Variants in COL7A1 observed in about 807,000 individuals in gnomAD.
The protein encoded by COL7A1 is collagen type VII alpha 1 chain.
COL7A1 carries 296 observed loss-of-function variants against 456.2 expected under a neutral mutation model. The observed-to-expected ratio is 0.65, with a 90% CI of 0.59 to 0.71. The LOEUF (loss-of-function observed/expected upper bound fraction) is 0.71, where lower values mean the gene tolerates loss of function less well. Among genes scored for constraint, COL7A1 ranks in the 30% least tolerant of loss-of-function variants. The pLI is 0.00. For synonymous variants in COL7A1, 1,464 were observed against 1,525.9 expected (o/e 0.96, Z 0.95); for missense variants, 3,441 against 4,017.2 (o/e 0.86, Z 3.88).
rs2045050288 is a variant in COL7A1, at chr3:48,584,365, C to T, written c.4130G>A (p.Gly1377Glu). 1 of 1,613,736 alleles carries T rather than the reference C, an allele frequency of 6.2e-7. No homozygotes were observed. The highest frequency in any genetic ancestry group is 8.5e-7 in the Non-Finnish European group (1 of 1,179,810). ...TGGGTCCCCCAGTGGTCCACGAGGT[C>T]CAGGGGGGCCCTGATGGAGGAGACA... Reference protein sequence around the residue: ...KGDPGPSGPPGPRGPLGDPGP... With the variant: ...KGDPGPSGPPEPRGPLGDPGP... The change falls in exon 37 of 119, where the codon GGA (glycine) becomes GAA (glutamate). Residue 1377 changes from glycine (G) to glutamate (E), a missense_variant. Physicochemically the swap from Gly to Glu is moderately conservative, Grantham distance 98 (BLOSUM62 -2). Transcript: ENST00000681320.
In COL7A1 at chr3:48,588,417, C is replaced by T; in HGVS notation, c.2588-13G>A. On this transcript the variant is annotated splice_polypyrimidine_tract_variant and intron_variant, in intron 20 of 118. Coordinates refer to ENST00000681320, the MANE Select transcript of COL7A1 (RefSeq NM_000094.4). This position sits in a 1 kb window ranked among gnomAD's most constrained non-coding sequence, Gnocchi z 4.6. ...GGAGCCTCAGGCGCTGGAGAGAAAGCTCAGGAATCAGGGAGGCTCTGCCCC... is the reference window on the plus strand; with the variant it reads ...GGAGCCTCAGGCGCTGGAGAGAAAGTTCAGGAATCAGGGAGGCTCTGCCCC... The T allele has an allele frequency of 6.2e-7, 1 of 1,607,420 alleles. No homozygotes were observed. The highest frequency in any genetic ancestry group is 8.5e-7 in the Non-Finnish European group (1 of 1,179,640).
rs144057847 is a variant in COL7A1 at position 48,594,721 on chromosome 3, C to T, written c.86-173G>A. Among the ~76,000 whole-genome samples, 213 of 149,292 alleles carry T rather than the reference C, an allele frequency of 1.4e-3. No individual in the cohort carries two copies. Among genetic ancestry groups the T allele is most frequent in the Middle Eastern group, 7.0e-3 (2 of 286 alleles). ...TTGGAGGGAGTTGAGCTCGGTGGGTCCCAGAGCAGACTCCCGCGGAGGGTT... is the reference window on the plus strand; with the variant it reads ...TTGGAGGGAGTTGAGCTCGGTGGGTTCCAGAGCAGACTCCCGCGGAGGGTT... On this transcript the variant is annotated intron_variant, in intron 2 of 118. Transcript: ENST00000681320. This position sits in a 1 kb window ranked among gnomAD's most constrained non-coding sequence, Gnocchi z 5.5.
rs756695158 is a variant in COL7A1 at position 48,589,693 on chromosome 3, G to A, written c.2076C>T (p.Val692=). ...ATGAGCTGCTGGCCTGAGTCACATG[G>A]ACCGTCCTCACTGGGCCCAGTGGGT... ...RTDPLGPVRT[V]HVTQASSSSV... Residue 692 remains valine (V), a synonymous_variant, in exon 17 of 119, where the codon GTC becomes GTT. Transcript: ENST00000681320. The A allele has an allele frequency of 1.2e-6, 2 of 1,614,108 alleles. No individual in the cohort carries two copies. The highest frequency in any genetic ancestry group is 8.5e-7 in the Non-Finnish European group (1 of 1,180,028).
chr3:48,583,703 A>G lies in COL7A1; in HGVS notation c.4341+15T>C. The G allele has an allele frequency of 6.2e-7, 1 of 1,614,040 alleles. No individual in the cohort carries two copies. The stretch of plus-strand genomic sequence containing the variant: ...CCACCCCAGAACTGGGACATCATCA[A>G]GTCAGCCTTCCTACTTTTTCTCCTT... On this transcript the variant is annotated intron_variant, in intron 40 of 118. Coordinates refer to ENST00000681320, the MANE Select transcript of COL7A1 (RefSeq NM_000094.4). The surrounding 1 kb of genome is among the most constrained non-coding windows in gnomAD (Gnocchi z 5.1).
chr3:48,583,836 C>T lies in COL7A1; in HGVS notation c.4279-56G>A. The T allele has an allele frequency of 2.5e-6, 4 of 1,613,542 alleles. No homozygotes were observed. The highest frequency in any genetic ancestry group is 3.4e-6 in the Non-Finnish European group (4 of 1,179,682). ...AGAACTATGAAGCCCAGCACCCAAC[C>T]ACTGCCCCAGGAGAGACCCACACCC... On this transcript the variant is annotated intron_variant, in intron 39 of 118. Transcript: ENST00000681320. The surrounding 1 kb of genome is among the most constrained non-coding windows in gnomAD (Gnocchi z 5.1).
At chr3:48,582,782 G>C in intron 44 of COL7A1, 129 bp from the exon 45 acceptor site, 1 of 1,168,686 alleles carries the variant, frequency 8.6e-7, no homozygotes, top group Non-Finnish European at 1.2e-6. Context: ...GCAGGGGTAA[G>C]ACTTGGCAGG....
In COL7A1 at chr3:48,590,226, G is replaced by C. The variant is rs1346527971; in HGVS notation, c.2037C>G (p.Ile679Met). ...GCAGGGCCTGACCCGTTCGAGCCAC[G>C]ATGACTGCAGCAGGGCCCTCCTCTC... ...RGREEGPAAV[I>M]VARTDPLGPV... The change falls in exon 16 of 119, where the codon ATC becomes ATG. Residue 679 changes from isoleucine (I) to methionine (M), a missense_variant. Transcript: ENST00000681320. This position sits in a 1 kb window ranked among gnomAD's most constrained non-coding sequence, Gnocchi z 4.6. 1 of 1,613,364 alleles carries C rather than the reference G, an allele frequency of 6.2e-7. No individual in the cohort carries two copies. Among genetic ancestry groups the C allele is most frequent in the Admixed American group, 1.7e-5 (1 of 59,980 alleles).
chr3:48,573,686 T>C lies in COL7A1; in HGVS notation c.6573+4A>G. 1.2e-6 allele frequency: 2 copies of C among 1,612,886 alleles called. No homozygotes were observed. The highest frequency in any genetic ancestry group is 2.2e-5 in the East Asian group (1 of 44,846). ...TCACCAGGCAGTGTTCCCTGGTCAC[T>C]CACCGGGGCACCAGGTGGTCCAGGG... is the stretch of plus-strand genomic sequence containing the variant. On this transcript the variant is annotated splice_donor_region_variant and intron_variant, in intron 82 of 118. Transcript: ENST00000681320. This position sits in a 1 kb window ranked among gnomAD's most constrained non-coding sequence, Gnocchi z 5.5.
chr3:48,587,641 C>T lies in COL7A1; in HGVS notation c.2858-87G>A. On this transcript the variant is annotated intron_variant, in intron 22 of 118. Coordinates refer to ENST00000681320, the MANE Select transcript of COL7A1 (RefSeq NM_000094.4). The surrounding 1 kb of genome is among the most constrained non-coding windows in gnomAD (Gnocchi z 6.1). ...ATCTGAGATCCTGGGTCCGGTTTGT[C>T]TTATTGAAGCATCATGGGAGGTCAT... 1 of 1,608,094 alleles carries T rather than the reference C, an allele frequency of 6.2e-7. No individual in the cohort carries two copies. The highest frequency in any genetic ancestry group is 1.1e-5 in the South Asian group (1 of 90,666).
Position 48,579,581 on chromosome 3 carries a change from C to T in COL7A1, c.5235+7G>A, listed in dbSNP as rs1302728307. The stretch of plus-strand genomic sequence containing the variant: ...TGCCTGCACCCCCGAGGACCAATCA[C>T]ACTCACCCTTTCCCCAGGGGCTCCA... On this transcript the variant is annotated splice_region_variant and intron_variant, in intron 59 of 118. Transcript: ENST00000681320. The surrounding 1 kb of genome is among the most constrained non-coding windows in gnomAD (Gnocchi z 4.4). 5 of 1,613,902 alleles carry T rather than the reference C, an allele frequency of 3.1e-6. No homozygotes were observed. Among genetic ancestry groups the T allele is most frequent in the East Asian group, 2.2e-5 (1 of 44,864 alleles).
rs145103300 is a variant in COL7A1, at chr3:48,579,832, A to T, written c.5125-18T>A. ...GTGTCTACCTGTGGGGGGAATGACCAGTGAGAAGAATGGCTCAACAAGGGG... is the reference window on the plus strand; with the variant it reads ...GTGTCTACCTGTGGGGGGAATGACCTGTGAGAAGAATGGCTCAACAAGGGG... On this transcript the variant is annotated intron_variant, in intron 57 of 118. Transcript: ENST00000681320. The surrounding 1 kb of genome is among the most constrained non-coding windows in gnomAD (Gnocchi z 4.4). 19 of 1,614,034 alleles carry T rather than the reference A, an allele frequency of 1.2e-5. No homozygotes were observed. The African/African-American group carries it at 2.4e-4, about 20-fold the overall frequency.
rs773198409 is a variant in COL7A1 at position 48,593,476 on chromosome 3, C to T, written c.427-27G>A. ...TGGGACAGGTGCAGGGGTCAAATCA[C>T]GGTTCCCCTGGACACTTCATTTGGG... On this transcript the variant is annotated intron_variant, in intron 4 of 118. Transcript: ENST00000681320. This position sits in a 1 kb window ranked among gnomAD's most constrained non-coding sequence, Gnocchi z 4.4. The T allele has an allele frequency of 1.6e-5, 26 of 1,613,850 alleles. No individual in the cohort carries two copies. The highest frequency in any genetic ancestry group is 1.0e-4 in the Admixed American group (6 of 60,006).
chr3:48,564,875 T>A lies in COL7A1; in HGVS notation c.8726A>T (p.Tyr2909Phe), dbSNP rs139416916. 7 of 1,614,012 alleles carry A rather than the reference T, an allele frequency of 4.3e-6. No homozygotes were observed. The highest frequency in any genetic ancestry group is 5.1e-6 in the Non-Finnish European group (6 of 1,180,014). The part of the protein sequence containing the change: ...GSTEACHPFV[Y>F]GGCGGNANRF... ...GTTGGCATTCCCTCCACAGCCACCA[T>A]AGACAAAAGGGTGACAGGCCTCTGT... Residue 2909 changes from tyrosine (Y) to phenylalanine (F), a missense_variant, in exon 118 of 119, where the codon TAT becomes TTT. By Grantham distance (22) the Tyr-to-Phe change is conservative (BLOSUM62 3). This residue lies in a region of COL7A1 where 2,084 missense variants were observed against 2,501.3 expected (regional missense o/e 0.83). Transcript: ENST00000681320. This position sits in a 1 kb window ranked among gnomAD's most constrained non-coding sequence, Gnocchi z 6.0.
Position 48,572,898 on chromosome 3 carries a change from A to G in COL7A1, c.6795T>C (p.Ser2265=). Residue 2265 remains serine (S), a synonymous_variant, in exon 87 of 119, where the codon AGT becomes AGC. Transcript: ENST00000681320. This position sits in a 1 kb window ranked among gnomAD's most constrained non-coding sequence, Gnocchi z 4.6. ...GGCTCCCTCTGTCTCCATCTTTTCCACTGGCACCATCTCGACCTGGGGCTC... is the reference window on the plus strand; with the variant it reads ...GGCTCCCTCTGTCTCCATCTTTTCCGCTGGCACCATCTCGACCTGGGGCTC... The part of the protein sequence containing the change: ...KPGAPGRDGA[S]GKDGDRGSPG... The G allele has an allele frequency of 1.2e-6, 2 of 1,613,714 alleles. No individual in the cohort carries two copies. The highest frequency in any genetic ancestry group is 2.2e-5 in the East Asian group (1 of 44,850).
rs2045629262 is a variant in COL7A1, at chr3:48,590,657, C to A, written c.1780+16G>T. On this transcript the variant is annotated intron_variant, in intron 14 of 118. Transcript: ENST00000681320. This position sits in a 1 kb window ranked among gnomAD's most constrained non-coding sequence, Gnocchi z 4.6. ...AGGCAGGCAGCTGTCCTCCACAAGCCTCCTGCAGTACTCACCCCGGCGGAC... is the reference window on the plus strand; with the variant it reads ...AGGCAGGCAGCTGTCCTCCACAAGCATCCTGCAGTACTCACCCCGGCGGAC... 2 of 1,614,042 alleles carry A rather than the reference C, an allele frequency of 1.2e-6. No individual in the cohort carries two copies. Among genetic ancestry groups the A allele is most frequent in the African/African-American group, 1.3e-5 (1 of 75,040 alleles).
chr3:48,585,307 C>T lies in COL7A1; in HGVS notation c.3895-191G>A, dbSNP rs141055029. ...AGCCCAATTCCAGGCACAAGGGCAGCGACAAGGCAGAGGGCTTCCCTGCCT... is the reference window on the plus strand; with the variant it reads ...AGCCCAATTCCAGGCACAAGGGCAGTGACAAGGCAGAGGGCTTCCCTGCCT... On this transcript the variant is annotated intron_variant, in intron 32 of 118. Coordinates refer to ENST00000681320, the MANE Select transcript of COL7A1 (RefSeq NM_000094.4). The surrounding 1 kb of genome is among the most constrained non-coding windows in gnomAD (Gnocchi z 4.5). 4.4e-3 allele frequency among the ~76,000 whole-genome samples: 668 copies of T among 152,302 alleles called. 5 individuals are homozygous for T. The highest frequency in any genetic ancestry group is 0.015 in the African/African-American group (643 of 41,564).
At position 48,573,779 on chromosome 3, in the gene COL7A1, G is replaced by A; in HGVS notation, c.6538-54C>T. ...GGGGAGTTAGCCGCACCCCACCAAG[G>A]AAACTGAGGCAGTACTGGTCACTGG... On this transcript the variant is annotated intron_variant, in intron 81 of 118. Coordinates refer to ENST00000681320, the MANE Select transcript of COL7A1 (RefSeq NM_000094.4). This position sits in a 1 kb window ranked among gnomAD's most constrained non-coding sequence, Gnocchi z 5.5. 1 of 1,613,958 alleles carries A rather than the reference G, an allele frequency of 6.2e-7. No homozygotes were observed. Among genetic ancestry groups the A allele is most frequent in the Non-Finnish European group, 8.5e-7 (1 of 1,179,972 alleles).
In COL7A1 at chr3:48,584,507, CGCCCAGGAA is replaced by C. The variant is rs1210566470; in HGVS notation, c.4088_4096del (p.Leu1363_Gly1365del). On this transcript the variant is annotated inframe_deletion, in exon 36 of 119. Coordinates refer to ENST00000681320, the MANE Select transcript of COL7A1 (RefSeq NM_000094.4). ...TACCGATGGTCCAGGGTCCCCTTTCCGCCCAGGAAGCCCAGGTCCTTCACCTCCGATGAC... is the reference window on the plus strand; with the variant it reads ...TACCGATGGTCCAGGGTCCCCTTTCCGCCCAGGTCCTTCACCTCCGATGAC... 6.2e-7 allele frequency: 1 copy of C among 1,613,972 alleles called. No homozygotes were observed. The highest frequency in any genetic ancestry group is 8.5e-7 in the Non-Finnish European group (1 of 1,180,012).
chr3:48,580,163 A>G lies in COL7A1; in HGVS notation c.5098-106T>C, dbSNP rs1012569500. 7.8e-6 allele frequency: 12 copies of G among 1,547,446 alleles called. No homozygotes were observed. Among genetic ancestry groups the G allele is most frequent in the East Asian group, 4.7e-5 (2 of 42,840 alleles). On this transcript the variant is annotated intron_variant, in intron 56 of 118. Coordinates refer to ENST00000681320, the MANE Select transcript of COL7A1 (RefSeq NM_000094.4). This position sits in a 1 kb window ranked among gnomAD's most constrained non-coding sequence, Gnocchi z 4.5. ...CCCCCAAGTTCCCCGAAGCACCCCA[A>G]TGCCAGCCCCCAGCAGGCATGGGTG...
Sources: allele counts gnomAD v4.1 joint callset (sites outside exome capture counted in the v4.1 genomes callset), GRCh38; gene constraint gnomAD v4.1.1; regional missense constraint gnomAD v4.1.1; non-coding constraint Gnocchi (gnomAD v3.1); transcripts MANE v1.5; gene names NCBI Gene and HGNC (gene_info 2026-07-23, HGNC 2026-07-21).